PPP6C: variants seen among roughly 807,000 people sequenced by gnomAD.
PPP6C encodes the protein serine/threonine-protein phosphatase 6 catalytic subunit.
A neutral mutation model predicts 39.8 loss-of-function variants in PPP6C; 11 were observed. The ratio of observed to expected loss-of-function variants is 0.28; its 90% confidence interval spans 0.17 to 0.46. PPP6C has a LOEUF of 0.46. Ranked by LOEUF, PPP6C falls within the 20% of genes least tolerant of loss-of-function variation. The pLI, the probability that PPP6C is intolerant of heterozygous loss-of-function variation, is 1.00. For missense variants in PPP6C, 211 were observed against 373.9 expected, an observed-to-expected ratio of 0.56 and a Z score of 3.59; for synonymous variants, 129 against 130.3, an observed-to-expected ratio of 0.99 and a Z score of 0.07.
intron 1 of PPP6C, 31 bp downstream of exon 1, chr9:125,189,613 C>T (rs767468654): frequency 3.1e-6 from 5 of 1,611,600 alleles, no homozygotes; most frequent in African/African-American, 2.7e-5. Flanking sequence ...GCCCCACAGC[C>T]GGAAGGGGCG....
chr9:125,187,361 C>T (rs924305540), intron 1 of PPP6C, among the ~76,000 whole-genome samples: 2 of 151,482 alleles, frequency 1.3e-5, no homozygotes, highest in Admixed American at 1.3e-4. Context: ...TCACTGCAAG[C>T]AATTCTCCCG....
Position 125,149,771 on chromosome 9 carries a change from A to C in PPP6C, c.820T>G (p.Phe274Val). 1 of 1,614,214 alleles carries C rather than the reference A, an allele frequency of 6.2e-7. No homozygotes were observed. The highest frequency in any genetic ancestry group is 8.5e-7 in the Non-Finnish European group (1 of 1,180,030). The change falls in exon 7 of 7, where the codon TTC becomes GTC. Residue 274 changes from phenylalanine to valine, a missense_variant. Phe to Val is a conservative substitution (Grantham distance 50, BLOSUM62 -1). Transcript: ENST00000373547. Reference protein sequence around the residue: ...RCGNIASIMVFKDVNTREPKL... With the variant: ...RCGNIASIMVVKDVNTREPKL... The stretch of plus-strand genomic sequence containing the variant: ...GGTTCTCTTGTATTTACATCTTTGA[A>C]GACCATGATCGAAGCAATATTTCCA...
intron 1 of PPP6C, among the ~76,000 whole-genome samples, chr9:125,181,477 C>T (rs1829420589): frequency 6.6e-6 from 1 of 152,102 alleles, no homozygotes; most frequent in African/African-American, 2.4e-5. Flanking sequence ...AATGATATCC[C>T]TCCCTTTACC....
At chr9:125,153,002 G>T (rs1044935093) in intron 6 of PPP6C, among the ~76,000 whole-genome samples, 2 of 152,024 alleles carry the variant, frequency 1.3e-5, no homozygotes, top group Non-Finnish European at 2.9e-5. Context: ...GCCGGGTGCG[G>T]TGGCTCACAC....
intron 6 of PPP6C, chr9:125,151,368 A>G: frequency 8.6e-7 from 1 of 1,164,598 alleles, no homozygotes; most frequent in Non-Finnish European, 1.3e-6. Context: ...ACCAAAGTTT[A>G]TGCTATCTTG....
chr9:125,189,741 A>G lies in PPP6C; in HGVS notation c.-23T>C, dbSNP rs1829625379. On this transcript the variant is annotated 5_prime_UTR_variant, in exon 1 of 7. Transcript: ENST00000373547. ...CATTTTAAGAATAACAAGCCGCGGC[A>G]ACAGCGGCGGCGGCGGCTGTAGCAG... is the stretch of plus-strand genomic sequence containing the variant. The G allele has an allele frequency of 2.6e-6, 4 of 1,564,158 alleles. No homozygotes were observed. Among genetic ancestry groups the G allele is most frequent in the African/African-American group, 1.4e-5 (1 of 70,496 alleles).
At chr9:125,155,288 A>G (rs959605666) in intron 4 of PPP6C, among the ~76,000 whole-genome samples, 4 of 150,538 alleles carry the variant, frequency 2.7e-5, no homozygotes, top group African/African-American at 9.7e-5. Context: ...TAATTTTAGA[A>G]AAAAAAAAAC....
In PPP6C at chr9:125,179,215, C is replaced by CAAA. The variant is rs150040909; in HGVS notation, c.76-8038_76-8036dup. ...AAGCAACAAGAGCGAAACTCCATCT[C>CAAA]AAAAAAAAAAGAATTATCTGCATAT... On this transcript the variant is annotated intron_variant, in intron 1 of 6. Coordinates refer to ENST00000373547, the MANE Select transcript of PPP6C (RefSeq NM_002721.5). Among the ~76,000 whole-genome samples the CAAA allele has an allele frequency of 1.7e-3, 219 of 127,450 alleles. 6 individuals carry two copies. The highest frequency in any genetic ancestry group is 6.5e-3 in the African/African-American group (212 of 32,852). 83.6% of individuals were successfully genotyped at this position (127,450 alleles called of 152,430 possible).
At chr9:125,157,726 A>T (rs1460057209) in intron 4 of PPP6C, among the ~76,000 whole-genome samples, 2 of 130,538 alleles carry the variant, frequency 1.5e-5, no homozygotes, top group Non-Finnish European at 3.1e-5. Context: ...GAGTCTCCCT[A>T]TGTCGCCAGG....
intron 1 of PPP6C, among the ~76,000 whole-genome samples, chr9:125,172,749 ACAAAC>A (rs1564154775): frequency 2.6e-4 from 38 of 143,732 alleles, no homozygotes; most frequent in African/African-American, 1.1e-3. Flanking sequence ...ACACACACAC[ACAAAC>A]ACACACACAC....
In PPP6C at chr9:125,158,223, A is replaced by G. The variant is rs931274159; in HGVS notation, c.379+18T>C. On this transcript the variant is annotated intron_variant, in intron 4 of 6. Coordinates refer to ENST00000373547, the MANE Select transcript of PPP6C (RefSeq NM_002721.5). ...AAAGTAAAATAATATTCAGAATCAG[A>G]GAAATAGGAATTCTTACCATAAAAT... 1.3e-6 allele frequency: 2 copies of G among 1,583,096 alleles called. No individual in the cohort carries two copies. Among genetic ancestry groups the G allele is most frequent in the African/African-American group, 2.7e-5 (2 of 74,004 alleles).
At position 125,155,544 on chromosome 9, in the gene PPP6C, T is replaced by C. The variant is rs192910959; in HGVS notation, c.380-1559A>G. 4.5e-3 allele frequency among the ~76,000 whole-genome samples: 680 copies of C among 152,326 alleles called. 18 individuals are homozygous for C. The highest frequency in any genetic ancestry group is 0.04 in the Admixed American group (609 of 15,304). On this transcript the variant is annotated intron_variant, in intron 4 of 6. Transcript: ENST00000373547. ...ACTGAAGTCCCAGTGTAAAGTCATA[T>C]AGGGATATTTTATTCCTTGAAAATC...
At chr9:125,174,110 C>T (rs1369192761) in intron 1 of PPP6C, among the ~76,000 whole-genome samples, 2 of 152,118 alleles carry the variant, frequency 1.3e-5, no homozygotes, top group East Asian at 3.9e-4. Context: ...TACCTGAGAC[C>T]AGTTTGTACT....
chr9:125,149,709 AAC>A lies in PPP6C; in HGVS notation c.880_881del (p.Val294TyrfsTer92). The A allele has an allele frequency of 6.2e-7, 1 of 1,614,172 alleles. No individual in the cohort carries two copies. Among genetic ancestry groups the A allele is most frequent in the East Asian group, 2.2e-5 (1 of 44,882 alleles). On this transcript the variant is annotated frameshift_variant, in exon 7 of 7. Transcript: ENST00000373547. LOFTEE classifies it high-confidence loss of function. ...ATGGCGTTGTCGTTCTGGGAGGAAT[AAC>A]ACGTTCTGAATCTGGAACTGCCCGG... is the stretch of plus-strand genomic sequence containing the variant. Reference protein sequence around the residue: ...LFRAVPDSERVIPPRTTTPYF... With the variant: ...LFRAVPDSERXIPPRTTTPYF...
At chr9:125,186,882 G>GAAATCTA (rs922771737) in intron 1 of PPP6C, among the ~76,000 whole-genome samples, 1 of 149,752 alleles carries the variant, frequency 6.7e-6, no homozygotes, top group African/African-American at 2.5e-5. Context: ...AGGTAAGAAG[G>GAAATCTA]AAATCTAATG....
chr9:125,166,676 G>GCACC, intron 2 of PPP6C, among the ~76,000 whole-genome samples: 1 of 151,748 alleles, frequency 6.6e-6, no homozygotes, highest in Middle Eastern at 3.4e-3. Context: ...GGGATTACAG[G>GCACC]CACCCACCAC....
Position 125,148,037 on chromosome 9 carries a change from A to G in PPP6C, c.*1636T>C, listed in dbSNP as rs1835850706. On this transcript the variant is annotated 3_prime_UTR_variant, in exon 7 of 7. Transcript: ENST00000373547. ...TTAGCCACCTCTTTCATATAGCTATATAATTAAAAACTATGTAAGGAGCTG... is the reference window on the plus strand; with the variant it reads ...TTAGCCACCTCTTTCATATAGCTATGTAATTAAAAACTATGTAAGGAGCTG... 5.4e-6 allele frequency: 1 copy of G among 186,248 alleles called. No individual in the cohort carries two copies. The allele number at this position is 186,248 out of a possible 1,614,324, so 11.5% of individuals were successfully genotyped here.
At position 125,149,517 on chromosome 9, in the gene PPP6C, CAATA is replaced by C; in HGVS notation, c.*152_*155del. 1 of 952,622 alleles carries C rather than the reference CAATA, an allele frequency of 1.0e-6. No homozygotes were observed. Among genetic ancestry groups the C allele is most frequent in the South Asian group, 2.2e-5 (1 of 44,710 alleles). The allele number at this position is 952,622 out of a possible 1,614,324, so 59.0% of individuals were successfully genotyped here. ...ACTTTGCTATAGACACCACAACAAA[CAATA>C]AATTTAGATAATTTAAAATTTAAAA... On this transcript the variant is annotated 3_prime_UTR_variant, in exon 7 of 7. Coordinates refer to ENST00000373547, the MANE Select transcript of PPP6C (RefSeq NM_002721.5).
intron 2 of PPP6C, among the ~76,000 whole-genome samples, chr9:125,170,808 C>G (rs1279590722): frequency 3.9e-5 from 6 of 152,174 alleles, no homozygotes; most frequent in African/African-American, 1.4e-4. Flanking sequence ...TTTATATCTT[C>G]TACCTACCCC....
Sources: gnomAD v4.1 joint callset for allele counts (sites outside exome capture counted in the v4.1 genomes callset) on GRCh38, gnomAD v4.1.1 for gene constraint, MANE v1.5 for transcripts, NCBI Gene and HGNC (gene_info 2026-07-23, HGNC 2026-07-21) for gene names.